FRMPD4: variants seen among roughly 807,000 people sequenced by gnomAD.
FRMPD4 encodes the protein FERM and PDZ domain containing 4, also known as FERM and PDZ domain-containing protein 4.
In FRMPD4, 22 loss-of-function variants were observed where a neutral mutation model predicts 94.1. That is an observed-to-expected ratio of 0.23 (90% confidence interval 0.17 to 0.33). The LOEUF is 0.33. FRMPD4 is among the 10% of genes least tolerant of loss of function. The pLI is 1.00. For missense variants in FRMPD4, 1,111 were observed against 1,339.9 expected (o/e 0.83, Z 2.67); for synonymous variants, 631 against 548.6 (o/e 1.15, Z -2.10).
At chrX:12,298,688 C>T in intron 1 of FRMPD4, among the ~76,000 whole-genome samples, 1 of 112,000 alleles carries the variant, frequency 8.9e-6, no homozygotes. Flanking sequence ...TGGCCAAAAC[C>T]TAAGGGGAGA....
intron 3 of FRMPD4, among the ~76,000 whole-genome samples, chrX:12,005,799 G>C (rs1204417706): frequency 7.4e-4 from 81 of 109,791 alleles, no homozygotes; most frequent in African/African-American, 2.1e-3. Context: ...GCCAAGTGGG[G>C]AAGGGGTGGG....
At chrX:12,618,161 C>A (rs2059252609) in intron 4 of FRMPD4, among the ~76,000 whole-genome samples, 1 of 111,623 alleles carries the variant, frequency 9.0e-6, no homozygotes, top group Non-Finnish European at 1.9e-5. Flanking sequence ...GGATAATTTT[C>A]TTTTCACAAT....
At chrX:12,160,470 G>A (rs190242585) in intron 1 of FRMPD4, among the ~76,000 whole-genome samples, 4 of 111,576 alleles carry the variant, frequency 3.6e-5, no homozygotes, top group African/African-American at 6.5e-5. Flanking sequence ...AGAACTGACC[G>A]TAGTTTGGAA....
At chrX:11,965,685 T>G (rs950615967) in intron 3 of FRMPD4, among the ~76,000 whole-genome samples, 5 of 112,113 alleles carry the variant, frequency 4.5e-5, no homozygotes, top group African/African-American at 1.6e-4. Flanking sequence ...AAATCACCAT[T>G]CTTTTGTCAA....
intron 1 of FRMPD4, among the ~76,000 whole-genome samples, chrX:12,155,974 C>T (rs1298103114): frequency 2.7e-5 from 3 of 112,158 alleles, no homozygotes; most frequent in African/African-American, 9.7e-5. Flanking sequence ...CTATATGGCA[C>T]ATAAAGCTTA....
At chrX:11,949,578 G>A (rs1206698256) in intron 3 of FRMPD4, among the ~76,000 whole-genome samples, 1 of 112,267 alleles carries the variant, frequency 8.9e-6, no homozygotes, top group African/African-American at 3.2e-5. Context: ...GTGTGTGTAT[G>A]TGTATACGCA....
At chrX:12,193,854 AAAGG>A (rs1193626974) in intron 1 of FRMPD4, among the ~76,000 whole-genome samples, 1 of 85,001 alleles carries the variant, frequency 1.2e-5, no homozygotes, top group Non-Finnish European at 2.3e-5. Context: ...AAAGAAAGAA[AAAGG>A]AAGGAAGGAA....
At chrX:12,160,191 G>T (rs1351243798) in intron 1 of FRMPD4, among the ~76,000 whole-genome samples, 2 of 110,664 alleles carry the variant, frequency 1.8e-5, no homozygotes, top group African/African-American at 3.3e-5. Context: ...AGAGGAAATT[G>T]TTCATAAGCA....
At chrX:12,164,050 T>A (rs926571301) in intron 1 of FRMPD4, among the ~76,000 whole-genome samples, 5 of 111,532 alleles carry the variant, frequency 4.5e-5, no homozygotes, top group African/African-American at 1.3e-4. Flanking sequence ...TAGTTTTTTT[T>A]TTATTATTAT....
intron 3 of FRMPD4, among the ~76,000 whole-genome samples, chrX:12,117,761 C>G (rs1455367901): frequency 2.7e-5 from 3 of 111,942 alleles, no homozygotes; most frequent in African/African-American, 9.7e-5. Flanking sequence ...GCTGGACAGA[C>G]CACCCTCCCT....
intron 3 of FRMPD4, among the ~76,000 whole-genome samples, chrX:12,125,185 A>G (rs564626885): frequency 8.9e-6 from 1 of 112,060 alleles, no homozygotes; most frequent in East Asian, 2.8e-4. Context: ...TGCTGTGTCA[A>G]CACACTCTGA....
At position 12,559,519 on chromosome X, in the gene FRMPD4, A is replaced by G. The variant is rs769382878; in HGVS notation, c.159-50202A>G. 3.4e-3 allele frequency among the ~76,000 whole-genome samples: 381 copies of G among 110,558 alleles called. 3 individuals are homozygous for G. Among genetic ancestry groups the G allele is most frequent in the African/African-American group, 0.012 (365 of 30,408 alleles). ...ACAAAAATTAGCTGGGTGTGGTGGC[A>G]GGCACCTGTAGTCCCATCCACTCGG... On this transcript the variant is annotated intron_variant, in intron 2 of 16. Coordinates refer to ENST00000675598, the MANE Select transcript of FRMPD4 (RefSeq NM_001368397.1).
chrX:12,164,541 A>C (rs2056080689), intron 1 of FRMPD4, among the ~76,000 whole-genome samples: 1 of 112,474 alleles, frequency 8.9e-6, no homozygotes, highest in African/African-American at 3.2e-5. Flanking sequence ...AGCATGATTT[A>C]TAATCCTTTG....
chrX:12,677,260 G>C (rs2059908498), intron 5 of FRMPD4, among the ~76,000 whole-genome samples: 1 of 110,748 alleles, frequency 9.0e-6, no homozygotes, highest in South Asian at 3.8e-4. Flanking sequence ...TCCCAGCTGA[G>C]AACCACTGTC....
intron 3 of FRMPD4, among the ~76,000 whole-genome samples, chrX:11,912,136 C>T (rs755398600): frequency 2.7e-5 from 3 of 112,011 alleles, no homozygotes; most frequent in Non-Finnish European, 5.7e-5. Context: ...TTGAAGTTGG[C>T]AGCTGGAAGG....
At chrX:11,831,658 G>A (rs1048674140) in intron 1 of FRMPD4, among the ~76,000 whole-genome samples, 4 of 111,111 alleles carry the variant, frequency 3.6e-5, no homozygotes, top group South Asian at 3.9e-4. Context: ...GGTAGGGATC[G>A]GGCTTTGGGA....
At chrX:12,017,498 A>C (rs1399534545) in intron 3 of FRMPD4, among the ~76,000 whole-genome samples, 1 of 112,231 alleles carries the variant, frequency 8.9e-6, no homozygotes, top group African/African-American at 3.2e-5. Context: ...TGTCAAAGGG[A>C]CATCAAACAC....
At chrX:12,111,926 G>A (rs1397351096) in intron 3 of FRMPD4, among the ~76,000 whole-genome samples, 2 of 111,425 alleles carry the variant, frequency 1.8e-5, no homozygotes, top group African/African-American at 3.3e-5. Context: ...AACAGGTGCT[G>A]GAGAGGATGT....
chrX:12,243,790 CTTTTTTTTTTTTTTTTTTTT>C (rs148889684), intron 1 of FRMPD4, among the ~76,000 whole-genome samples: 3 of 22,914 alleles, frequency 1.3e-4, no homozygotes, highest in East Asian at 3.0e-3. Flanking sequence ...ATCTAAAGGG[CTTTTTTTTTTTTTTTTTTTT>C]TTTTTTTTTT....
Sources: gnomAD v4.1 joint callset for allele counts (sites outside exome capture counted in the v4.1 genomes callset) on GRCh38, gnomAD v4.1.1 for gene constraint, MANE v1.5 for transcripts, NCBI Gene and HGNC (gene_info 2026-07-23, HGNC 2026-07-21) for gene names.